Variants in USP14 observed in about 807,000 individuals in gnomAD.
The protein encoded by USP14 is ubiquitin carboxyl-terminal hydrolase 14.
In USP14, 38 loss-of-function variants were observed where a neutral mutation model predicts 76.5. That is an observed-to-expected ratio of 0.50 (90% confidence interval 0.38 to 0.65). USP14 has a LOEUF of 0.65. USP14 is among the 30% of genes least tolerant of loss of function. USP14 has a pLI of 0.00. For synonymous variants in USP14, 192 were observed against 191.7 expected, an observed-to-expected ratio of 1.00 and a Z score of -0.01; for missense variants, 467 against 586.5, an observed-to-expected ratio of 0.80 and a Z score of 2.10.
intron 6 of USP14, among the ~76,000 whole-genome samples, chr18:195,348 A>T (rs1910201538): frequency 6.7e-6 from 1 of 149,218 alleles, no homozygotes. Context: ...ATTCAGGAAC[A>T]TTTTATTGAG....
rs780762446 is a variant in USP14, at chr18:166,766, TTTTG to T, written c.163-15_163-12del. The T allele has an allele frequency of 1.9e-6, 3 of 1,610,568 alleles. No individual in the cohort carries two copies. Among genetic ancestry groups the T allele is most frequent in the East Asian group, 2.2e-5 (1 of 44,794 alleles). On this transcript the variant is annotated splice_polypyrimidine_tract_variant and intron_variant, in intron 2 of 15. Transcript: ENST00000261601. The stretch of plus-strand genomic sequence containing the variant: ...GCTTGTACAGTGGTGGTTAAATGTC[TTTTG>T]TTTGTCTTTGAAACAGGATGATGAT...
At chr18:187,341 G>A (rs1034442432) in intron 5 of USP14, among the ~76,000 whole-genome samples, 1 of 152,084 alleles carries the variant, frequency 6.6e-6, no homozygotes, top group South Asian at 2.1e-4. Context: ...TAACCATCTG[G>A]TGTGTAGTAA....
In USP14 at chr18:178,004, G is replaced by GTGTTTGTT. The variant is rs202201124; in HGVS notation, c.196-912_196-905dup. Among the ~76,000 whole-genome samples the GTGTTTGTT allele has an allele frequency of 1.4e-3, 212 of 151,610 alleles. 1 individual carries two copies. Among genetic ancestry groups the GTGTTTGTT allele is most frequent in the African/African-American group, 4.3e-3 (176 of 41,350 alleles). ...GACATTCACAGAAATAATTTTATTA[G>GTGTTTGTT]TGTTTGTTTGTTTGTTTGTTTGTTA... On this transcript the variant is annotated intron_variant, in intron 3 of 15. Coordinates refer to ENST00000261601, the MANE Select transcript of USP14 (RefSeq NM_005151.4).
chr18:170,367 A>G lies in USP14; in HGVS notation c.195+3548A>G, dbSNP rs139153645. ...AGTGACCTCTAAGTGTTCAAGAGAA[A>G]GGAAGAGTTTCATGTCTTTTACTTT... On this transcript the variant is annotated intron_variant, in intron 3 of 15. Coordinates refer to ENST00000261601, the MANE Select transcript of USP14 (RefSeq NM_005151.4). 3.3e-5 allele frequency among the ~76,000 whole-genome samples: 5 copies of G among 152,318 alleles called. No homozygotes were observed. In the East Asian group the frequency reaches 9.7e-4, roughly 29 times the overall value.
intron 2 of USP14, among the ~76,000 whole-genome samples, 172 bp downstream of exon 2, chr18:163,625 A>G (rs1181944276): frequency 6.6e-6 from 1 of 152,176 alleles, no homozygotes; most frequent in Non-Finnish European, 1.5e-5. Flanking sequence ...TAAGGGAGAA[A>G]TATTGTAGCT....
chr18:184,234 G>T (rs1909865216), intron 5 of USP14, among the ~76,000 whole-genome samples: 1 of 151,954 alleles, frequency 6.6e-6, no homozygotes, highest in South Asian at 2.1e-4. Flanking sequence ...CCAAACAAAA[G>T]AAGTAGTTTT....
At chr18:168,114 T>TG (rs2144214612) in intron 3 of USP14, among the ~76,000 whole-genome samples, 1 of 151,788 alleles carries the variant, frequency 6.6e-6, no homozygotes, top group South Asian at 2.1e-4. Context: ...TTAGTAGAGA[T>TG]GGGGTTTCTC....
chr18:184,058 T>G lies in USP14; in HGVS notation c.404+3719T>G, dbSNP rs192596972. Among the ~76,000 whole-genome samples, 66 of 152,320 alleles carry G rather than the reference T, an allele frequency of 4.3e-4. No homozygotes were observed. The East Asian group carries it at 0.012, about 27-fold the overall frequency. On this transcript the variant is annotated intron_variant, in intron 5 of 15. Coordinates refer to ENST00000261601, the MANE Select transcript of USP14 (RefSeq NM_005151.4). Reference sequence around the variant, plus strand: ...CTTTTATGTTTTGGAAAGAGTTCTGTGTAAGCAGGGGAGATTTCATCCTAT... The same window carrying G: ...CTTTTATGTTTTGGAAAGAGTTCTGGGTAAGCAGGGGAGATTTCATCCTAT...
At chr18:204,222 A>G (rs1285909423) in intron 12 of USP14, among the ~76,000 whole-genome samples, 1 of 151,462 alleles carries the variant, frequency 6.6e-6, no homozygotes, top group East Asian at 1.9e-4. Flanking sequence ...AGTTTATTCC[A>G]GTTTGGGAGG....
At chr18:197,501 A>T in intron 7 of USP14, 115 bp from the exon 8 acceptor site, 1 of 734,050 alleles carries the variant, frequency 1.4e-6, no homozygotes, top group Non-Finnish European at 2.2e-6. Context: ...TATTTGGCTT[A>T]ATATTTTTAA....
intron 1 of USP14, chr18:159,158 C>A (rs1029750683): frequency 3.0e-5 from 5 of 166,428 alleles, no homozygotes; most frequent in Non-Finnish European, 6.4e-5. Flanking sequence ...CGGCGTTCGC[C>A]GCCCTTCGTC....
At chr18:185,052 C>G (rs1327513815) in intron 5 of USP14, among the ~76,000 whole-genome samples, 1 of 152,170 alleles carries the variant, frequency 6.6e-6, no homozygotes, top group Non-Finnish European at 1.5e-5. Flanking sequence ...AAGACAGTAT[C>G]ACATGGCCGT....
intron 12 of USP14, among the ~76,000 whole-genome samples, chr18:203,747 C>A (rs1171692699): frequency 6.6e-6 from 1 of 151,998 alleles, no homozygotes; most frequent in Non-Finnish European, 1.5e-5. Flanking sequence ...GTAGCTGGGA[C>A]TACAGGCGCC....
At chr18:160,066 G>A (rs1034378410) in intron 1 of USP14, among the ~76,000 whole-genome samples, 1 of 152,202 alleles carries the variant, frequency 6.6e-6, no homozygotes, top group Non-Finnish European at 1.5e-5. Context: ...TCTTTGGGAG[G>A]CTCGAGGCGG....
chr18:210,248 T>C (rs1324516979), intron 14 of USP14, 138 bp from the exon 15 acceptor site: 12 of 723,092 alleles, frequency 1.7e-5, no homozygotes, highest in Non-Finnish European at 2.5e-5. Context: ...AAGCCTTAAC[T>C]ATGATTGGAC....
At chr18:166,725 T>C (rs975682192) in intron 2 of USP14, 62 bp from the exon 3 acceptor site, 5 of 1,460,410 alleles carry the variant, frequency 3.4e-6, no homozygotes, top group African/African-American at 1.4e-5. Flanking sequence ...ATAAATTGAT[T>C]ATTAGATTGT....
At position 212,530 on chromosome 18, in the gene USP14, GA is replaced by G. The variant is rs1598282522; in HGVS notation, c.*1248del. 1 of 152,056 alleles carries G rather than the reference GA, an allele frequency of 6.6e-6. No homozygotes were observed. Among genetic ancestry groups the G allele is most frequent in the African/African-American group, 2.4e-5 (1 of 41,278 alleles). 9.4% of individuals were successfully genotyped at this position (152,056 alleles called of 1,614,324 possible). A position where few individuals can be genotyped will look rare whatever the true frequency, so the allele number is the denominator to read the frequency against. On this transcript the variant is annotated 3_prime_UTR_variant, in exon 16 of 16. Transcript: ENST00000261601. ...GAGGTGGGAGAATTGCTTGAACCTG[GA>G]AGGCAGAAGTTGCAGTGAGCTGAGA...
intron 13 of USP14, among the ~76,000 whole-genome samples, chr18:207,533 G>C (rs1024027684): frequency 6.9e-5 from 10 of 144,548 alleles, no homozygotes; most frequent in African/African-American, 2.5e-4. Flanking sequence ...ACAGAAATTA[G>C]CCAGGCGTGG....
chr18:213,975 T>TTAGATAGATTAGA lies in USP14; in HGVS notation c.*2700_*2701insTAGATAGATAGAT, dbSNP rs1555603831. On this transcript the variant is annotated 3_prime_UTR_variant, in exon 16 of 16. Transcript: ENST00000261601. ...TTCTGTAATGGACAAGATAGATAGA[T>TTAGATAGATTAGA]TAGATAGATAGATAGATAGATAGAT... The TTAGATAGATTAGA allele has an allele frequency of 6.7e-6, 1 of 150,100 alleles. No homozygotes were observed. Among genetic ancestry groups the TTAGATAGATTAGA allele is most frequent in the African/African-American group, 2.5e-5 (1 of 40,276 alleles). 9.3% of individuals were successfully genotyped at this position (150,100 alleles called of 1,614,324 possible). A position where few individuals can be genotyped will look rare whatever the true frequency, so the allele number is the denominator to read the frequency against.
Sources: gnomAD v4.1 joint callset for allele counts (sites outside exome capture counted in the v4.1 genomes callset) on GRCh38, gnomAD v4.1.1 for gene constraint, MANE v1.5 for transcripts, NCBI Gene and HGNC (gene_info 2026-07-23, HGNC 2026-07-21) for gene names.